The following ZNF385D variants were observed in gnomAD, a reference collection of about 807,000 sequenced individuals.
ZNF385D encodes the protein zinc finger protein 659.
Under a neutral mutation model 35.8 loss-of-function variants are expected in ZNF385D, and 15 were observed. The observed-to-expected ratio is 0.42, with a 90% CI of 0.28 to 0.64. The LOEUF is 0.64. Ranked by LOEUF, ZNF385D falls within the 30% of genes least tolerant of loss-of-function variation. The pLI is 0.23. For synonymous variants in ZNF385D, 212 were observed against 186.8 expected (o/e 1.13, Z -1.10); for missense variants, 474 against 494.6 (o/e 0.96, Z 0.39).
At position 21,811,212 on chromosome 3, in the gene ZNF385D, T is replaced by C. The variant is rs55700075; in HGVS notation, c.326-146184A>G. Reference sequence around the variant, plus strand: ...AATCCTATTTCTTAGCTTATTCTATTAGAAATTCTATAAGCAAGACAAGCA... The same window carrying C: ...AATCCTATTTCTTAGCTTATTCTATCAGAAATTCTATAAGCAAGACAAGCA... On this transcript the variant is annotated intron_variant, in intron 3 of 5. Coordinates refer to the ZNF385D transcript ENST00000494108. Among the ~76,000 whole-genome samples, 1,339 of 152,234 alleles carry C rather than the reference T, an allele frequency of 8.8e-3. 17 individuals carry two copies. The highest frequency in any genetic ancestry group is 0.031 in the African/African-American group (1,280 of 41,564).
chr3:21,511,421 G>T (rs1002607592), intron 3 of ZNF385D, among the ~76,000 whole-genome samples: 6 of 152,132 alleles, frequency 3.9e-5, no homozygotes, highest in Non-Finnish European at 7.3e-5. Context: ...CTTAGAAAAT[G>T]CATTTTCTCT....
intron 2 of ZNF385D, among the ~76,000 whole-genome samples, chr3:22,237,197 T>C (rs1439664419): frequency 3.1e-4 from 1 of 3,264 alleles, no homozygotes; most frequent in East Asian, 0.17. Flanking sequence ...TTAATATCCT[T>C]TTTTTTTTAT....
At chr3:21,747,844 G>C (rs2069853045) in intron 1 of ZNF385D, among the ~76,000 whole-genome samples, 1 of 152,152 alleles carries the variant, frequency 6.6e-6, no homozygotes, top group Admixed American at 6.5e-5. Context: ...TTTATTTCTG[G>C]ATAAATTATT....
chr3:21,739,441 G>C (rs553744846), intron 1 of ZNF385D, among the ~76,000 whole-genome samples: 10 of 152,300 alleles, frequency 6.6e-5, no homozygotes, highest in Admixed American at 6.5e-4. Flanking sequence ...GGAAGGCACA[G>C]TCATTAGCTG....
intron 5 of ZNF385D, among the ~76,000 whole-genome samples, chr3:21,433,505 G>A (rs917881239): frequency 1.3e-5 from 2 of 152,098 alleles, no homozygotes; most frequent in Admixed American, 6.6e-5. Flanking sequence ...TCTTAACACT[G>A]GCTTTCTAAT....
In ZNF385D at chr3:21,527,172, G is replaced by A. The variant is rs555409296; in HGVS notation, c.277-16149C>T. Among the ~76,000 whole-genome samples the A allele has an allele frequency of 3.9e-5, 6 of 152,242 alleles. No individual in the cohort carries two copies. In the South Asian group the frequency reaches 1.2e-3, roughly 32 times the overall value. ...ATATTTTTCTATCAGTAGGTACATA[G>A]TAGGTGCTCAGTATCTATTTGTTGA... On this transcript the variant is annotated intron_variant, in intron 3 of 7. Coordinates refer to ENST00000281523, the MANE Select transcript of ZNF385D (RefSeq NM_024697.3).
chr3:22,127,823 T>C (rs1410944288), intron 3 of ZNF385D, among the ~76,000 whole-genome samples: 1 of 152,180 alleles, frequency 6.6e-6, no homozygotes, highest in African/African-American at 2.4e-5. Context: ...AACTTTTTGT[T>C]GTTTCTGTTT....
intron 2 of ZNF385D, among the ~76,000 whole-genome samples, chr3:22,260,298 T>C (rs969053269): frequency 6.6e-6 from 1 of 151,770 alleles, no homozygotes; most frequent in African/African-American, 2.4e-5. Flanking sequence ...TGAGAACACA[T>C]GAACAATGAG....
chr3:22,358,227 G>T (rs2125507207), intron 2 of ZNF385D, among the ~76,000 whole-genome samples: 1 of 151,950 alleles, frequency 6.6e-6, no homozygotes, highest in East Asian at 1.9e-4. Context: ...ACAAATTGAG[G>T]TGAGGAAATG....
intron 3 of ZNF385D, among the ~76,000 whole-genome samples, chr3:22,038,154 C>A (rs1393926247): frequency 6.6e-6 from 1 of 152,108 alleles, no homozygotes. Flanking sequence ...CAACCTAGAG[C>A]AAATTGCTGA....
At chr3:21,877,797 T>C (rs999321735) in intron 3 of ZNF385D, 3 of 152,070 alleles carry the variant, frequency 2.0e-5, no homozygotes, top group Non-Finnish European at 2.9e-5. Flanking sequence ...GGCATCAGCG[T>C]ACCTGCTTGT....
At chr3:21,791,826 C>T (rs1018658203) in intron 3 of ZNF385D, among the ~76,000 whole-genome samples, 5 of 152,104 alleles carry the variant, frequency 3.3e-5, no homozygotes, top group African/African-American at 1.2e-4. Flanking sequence ...CCTCCGACTC[C>T]CTGGTTCAAG....
chr3:21,684,343 G>T (rs2067011245), intron 1 of ZNF385D, among the ~76,000 whole-genome samples: 1 of 121,864 alleles, frequency 8.2e-6, no homozygotes, highest in Non-Finnish European at 1.7e-5. Context: ...CCACACTAAA[G>T]CCATAAATGG....
intron 2 of ZNF385D, among the ~76,000 whole-genome samples, chr3:22,349,523 C>T (rs1373386286): frequency 6.6e-6 from 1 of 152,100 alleles, no homozygotes; most frequent in East Asian, 1.9e-4. Flanking sequence ...ATTTACTCTT[C>T]AAGAAAGAGA....
In ZNF385D at chr3:22,067,560, T is replaced by C. The variant is rs113004765; in HGVS notation, c.325+101257A>G. Among the ~76,000 whole-genome samples the C allele has an allele frequency of 5.8e-3, 882 of 152,290 alleles. 10 individuals are homozygous for C. Among genetic ancestry groups the C allele is most frequent in the African/African-American group, 0.02 (844 of 41,540 alleles). On this transcript the variant is annotated intron_variant, in intron 3 of 5. Coordinates refer to the ZNF385D transcript ENST00000494108. ...GTGTATATCCCATTTCCTCTCTTTC[T>C]AATGATTCATAACACTAAAGTTAAC...
At chr3:22,074,151 T>A (rs1052163057) in intron 3 of ZNF385D, among the ~76,000 whole-genome samples, 3 of 151,954 alleles carry the variant, frequency 2.0e-5, no homozygotes, top group African/African-American at 7.2e-5. Context: ...TAGAGGGAAC[T>A]TCCCAAAGGG....
At chr3:21,815,944 C>T (rs1232244076) in intron 3 of ZNF385D, among the ~76,000 whole-genome samples, 1 of 152,160 alleles carries the variant, frequency 6.6e-6, no homozygotes, top group Non-Finnish European at 1.5e-5. Flanking sequence ...AAAATACTGG[C>T]AAACCGAATC....
chr3:21,692,115 T>C (rs759970959), intron 1 of ZNF385D, among the ~76,000 whole-genome samples: 1 of 152,212 alleles, frequency 6.6e-6, no homozygotes, highest in Non-Finnish European at 1.5e-5. Flanking sequence ...TATAATTTGC[T>C]TACCTGTTCA....
At chr3:21,586,404 AT>A (rs2063812295) in intron 2 of ZNF385D, among the ~76,000 whole-genome samples, 1 of 152,048 alleles carries the variant, frequency 6.6e-6, no homozygotes, top group African/African-American at 2.4e-5. Flanking sequence ...TTCAGACACC[AT>A]TATCCTTCAG....
Sources: gnomAD v4.1 joint callset for allele counts (sites outside exome capture counted in the v4.1 genomes callset) on GRCh38, gnomAD v4.1.1 for gene constraint, MANE v1.5 for transcripts, NCBI Gene and HGNC (gene_info 2026-07-23, HGNC 2026-07-21) for gene names.